The following TAFA1 variants were observed in gnomAD, a reference collection of about 807,000 sequenced individuals.
The protein encoded by TAFA1 is TAFA chemokine like family member 1, also known as chemokine-like protein TAFA-1.
In TAFA1, 4 loss-of-function variants were observed where a neutral mutation model predicts 18.5. The ratio of observed to expected loss-of-function variants is 0.22; its 90% CI spans 0.11 to 0.49. The LOEUF (loss-of-function observed/expected upper bound fraction) is 0.49, where lower values mean the gene tolerates loss of function less well. Among genes scored for constraint, TAFA1 ranks in the 20% least tolerant of loss-of-function variants. TAFA1 has a pLI of 0.98. For missense variants in TAFA1, 147 were observed against 169.0 expected, an observed-to-expected ratio of 0.87 and a Z score of 0.72; for synonymous variants, 56 against 55.2, an observed-to-expected ratio of 1.01 and a Z score of -0.06.
intron 2 of TAFA1, among the ~76,000 whole-genome samples, chr3:68,248,631 T>A (rs1046017281): frequency 6.6e-6 from 1 of 151,238 alleles, no homozygotes; most frequent in African/African-American, 2.4e-5. Flanking sequence ...CCTGAATGTG[T>A]GTTCAGAGCT....
At chr3:68,240,520 G>T (rs985290445) in intron 2 of TAFA1, among the ~76,000 whole-genome samples, 1 of 152,138 alleles carries the variant, frequency 6.6e-6, no homozygotes, top group Non-Finnish European at 1.5e-5. Context: ...CACTCCAGCT[G>T]CATAGAGAGA....
intron 2 of TAFA1, among the ~76,000 whole-genome samples, chr3:68,130,131 C>A (rs957150422): frequency 6.6e-6 from 1 of 152,106 alleles, no homozygotes; most frequent in Non-Finnish European, 1.5e-5. Flanking sequence ...CAGGCATTGC[C>A]CTGGAATGAA....
intron 2 of TAFA1, among the ~76,000 whole-genome samples, chr3:68,391,149 G>C (rs868134488): frequency 2.6e-5 from 4 of 152,116 alleles, no homozygotes; most frequent in Admixed American, 2.6e-4. Context: ...AGAATAACCA[G>C]TTTAGAGAAG....
chr3:68,385,559 GT>G (rs1168642459), intron 2 of TAFA1, among the ~76,000 whole-genome samples: 1 of 152,020 alleles, frequency 6.6e-6, no homozygotes, highest in African/African-American at 2.4e-5. Context: ...CTTGAAAGTT[GT>G]TATAAAGACT....
In TAFA1 at chr3:68,156,671, G is replaced by C. The variant is rs531823269; in HGVS notation, c.118+149927G>C. Among the ~76,000 whole-genome samples, 3 of 152,086 alleles carry C rather than the reference G, an allele frequency of 2.0e-5. No individual in the cohort carries two copies. The East Asian group carries it at 5.8e-4, about 29-fold the overall frequency. ...AGTTCAGTGACCTACATTTTGAATTGGGTATTTAACAATGAATATAACTTC... is the reference window on the plus strand; with the variant it reads ...AGTTCAGTGACCTACATTTTGAATTCGGTATTTAACAATGAATATAACTTC... On this transcript the variant is annotated intron_variant, in intron 2 of 4. Transcript: ENST00000478136.
intron 3 of TAFA1, among the ~76,000 whole-genome samples, chr3:68,444,162 C>T (rs1188661186): frequency 1.3e-5 from 2 of 152,128 alleles, no homozygotes; most frequent in Non-Finnish European, 2.9e-5. Flanking sequence ...CCATAGCTCT[C>T]ATAACCTACT....
intron 3 of TAFA1, among the ~76,000 whole-genome samples, chr3:68,521,225 A>C (rs1200080401): frequency 6.6e-6 from 1 of 152,218 alleles, no homozygotes; most frequent in African/African-American, 2.4e-5. Flanking sequence ...AGACTTTTCC[A>C]GAGCGCCCTC....
At chr3:68,191,858 G>A (rs187691731) in intron 2 of TAFA1, among the ~76,000 whole-genome samples, 89 of 151,894 alleles carry the variant, frequency 5.9e-4, no homozygotes, top group African/African-American at 1.8e-3. Flanking sequence ...TATCTAAGAC[G>A]TGATTTGGTG....
At chr3:68,188,776 T>C (rs1281907516) in intron 2 of TAFA1, among the ~76,000 whole-genome samples, 1 of 151,962 alleles carries the variant, frequency 6.6e-6, no homozygotes, top group African/African-American at 2.4e-5. Flanking sequence ...ACAATGACTT[T>C]TGATGCTGAC....
intron 2 of TAFA1, among the ~76,000 whole-genome samples, chr3:68,357,401 T>C (rs193033747): frequency 1.3e-5 from 2 of 151,964 alleles, no homozygotes; most frequent in African/African-American, 4.8e-5. Flanking sequence ...CTAGGATTAA[T>C]AGCAAGGCGA....
At chr3:68,232,592 T>C (rs1481175456) in intron 2 of TAFA1, among the ~76,000 whole-genome samples, 4 of 152,068 alleles carry the variant, frequency 2.6e-5, no homozygotes, top group Non-Finnish European at 5.9e-5. Flanking sequence ...CTGGATCATA[T>C]GGTAATTCTA....
chr3:68,047,289 A>G (rs1334024337), intron 2 of TAFA1, among the ~76,000 whole-genome samples: 2 of 152,192 alleles, frequency 1.3e-5, no homozygotes, highest in African/African-American at 4.8e-5. Flanking sequence ...ATAGACCCAC[A>G]TACCTGGCCC....
chr3:68,238,169 C>T (rs969135292), intron 2 of TAFA1, among the ~76,000 whole-genome samples: 18 of 152,056 alleles, frequency 1.2e-4, no homozygotes, highest in African/African-American at 3.1e-4. Flanking sequence ...AGTTCACACC[C>T]GTTGAGACAC....
At chr3:68,203,584 G>A (rs1386064312) in intron 2 of TAFA1, among the ~76,000 whole-genome samples, 1 of 151,648 alleles carries the variant, frequency 6.6e-6, no homozygotes, top group Non-Finnish European at 1.5e-5. Context: ...TGGGTTTCAG[G>A]ATTTTAGTAA....
chr3:68,233,927 G>A (rs1028449199), intron 2 of TAFA1, among the ~76,000 whole-genome samples: 5 of 151,964 alleles, frequency 3.3e-5, no homozygotes, highest in Non-Finnish European at 7.4e-5. Flanking sequence ...TTACTGACAA[G>A]AAAAAATGAG....
chr3:68,211,379 G>T (rs1324760345), intron 2 of TAFA1, among the ~76,000 whole-genome samples: 1 of 152,056 alleles, frequency 6.6e-6, no homozygotes, highest in African/African-American at 2.4e-5. Flanking sequence ...ATTTAAGAGA[G>T]AAGATTCTAA....
At chr3:68,003,440 A>G (rs369471930), upstream of TAFA1, among the ~76,000 whole-genome samples, 3 of 152,150 alleles carry the variant, frequency 2.0e-5, no homozygotes, top group African/African-American at 7.2e-5. Context: ...GATCTCATCA[A>G]TCACGTTTTC....
intron 2 of TAFA1, among the ~76,000 whole-genome samples, chr3:68,233,110 T>C (rs1035309620): frequency 7.2e-5 from 11 of 152,290 alleles, no homozygotes; most frequent in African/African-American, 2.6e-4. Flanking sequence ...ATTAGTGACA[T>C]TGAGCATTTT....
At chr3:68,140,801 G>C (rs1345201036) in intron 2 of TAFA1, among the ~76,000 whole-genome samples, 1 of 152,168 alleles carries the variant, frequency 6.6e-6, no homozygotes, top group Non-Finnish European at 1.5e-5. Flanking sequence ...CATGGGAGTT[G>C]AATAATTTGC....
Sources: allele counts gnomAD v4.1 joint callset (sites outside exome capture counted in the v4.1 genomes callset), GRCh38; gene constraint gnomAD v4.1.1; transcripts MANE v1.5; gene names NCBI Gene and HGNC (gene_info 2026-07-23, HGNC 2026-07-21).